Variants in TAF3 observed in about 807,000 individuals in gnomAD.
The protein encoded by TAF3 is TATA-box binding protein associated factor 3.
In TAF3, 7 loss-of-function variants were observed where a neutral mutation model predicts 80.6. The observed-to-expected ratio is 0.09, with a 90% CI of 0.05 to 0.16. The LOEUF (loss-of-function observed/expected upper bound fraction) is 0.16, where lower values mean the gene tolerates loss of function less well. Among genes scored for constraint, TAF3 ranks in the 10% least tolerant of loss-of-function variants. TAF3 has a pLI of 1.00. For missense variants in TAF3, 921 were observed against 1,140.2 expected (o/e 0.81, Z 2.77); for synonymous variants, 444 against 446.1 (o/e 1.00, Z 0.06).
chr10:7,824,336 T>A lies in TAF3; in HGVS notation c.185T>A (p.Ile62Asn). ...YSELYGRTDP[I>N]LDDVGEAFQL... ...GTTTCAGATGGCCGAACAGACCCAA[T>A]TTTGGATGATGTTGGTGAAGCTTTC... The change falls in exon 2 of 7, where the codon ATT becomes AAT. Residue 62 changes from isoleucine (I) to asparagine (N), a missense_variant. Ile to Asn is a moderately radical substitution (Grantham distance 149, BLOSUM62 -3). Around this residue, in one of 6 missense-constraint regions of TAF3, gnomAD observed 106 missense variants for 191.8 expected, o/e 0.55. Coordinates refer to ENST00000344293, the MANE Select transcript of TAF3 (RefSeq NM_031923.4). The A allele has an allele frequency of 6.2e-7, 1 of 1,613,740 alleles. No individual in the cohort carries two copies. The highest frequency in any genetic ancestry group is 8.5e-7 in the Non-Finnish European group (1 of 1,179,666).
chr10:7,942,416 AT>A (rs1837984477), intron 2 of TAF3, among the ~76,000 whole-genome samples: 1 of 152,064 alleles, frequency 6.6e-6, no homozygotes, highest in Non-Finnish European at 1.5e-5. Flanking sequence ...ATTATAATAC[AT>A]TTTTTTCAGC....
At chr10:7,830,092 C>T (rs1241984018) in intron 2 of TAF3, among the ~76,000 whole-genome samples, 1 of 152,146 alleles carries the variant, frequency 6.6e-6, no homozygotes, top group Non-Finnish European at 1.5e-5. Context: ...TCTGCATCTT[C>T]CCGTGTGACC....
At chr10:7,925,334 A>T (rs1837804549) in intron 2 of TAF3, among the ~76,000 whole-genome samples, 1 of 152,192 alleles carries the variant, frequency 6.6e-6, no homozygotes, top group South Asian at 2.1e-4. Context: ...GCCTTGACTT[A>T]CCACCTTGGC....
intron 2 of TAF3, among the ~76,000 whole-genome samples, chr10:7,883,648 C>G (rs925110774): frequency 2.2e-4 from 33 of 152,292 alleles, no homozygotes; most frequent in Non-Finnish European, 2.9e-5. Flanking sequence ...TGGTAAATTT[C>G]TAATTCCATT....
intron 2 of TAF3, among the ~76,000 whole-genome samples, chr10:7,923,379 T>C (rs542690637): frequency 1.6e-4 from 24 of 152,212 alleles, no homozygotes; most frequent in African/African-American, 5.8e-4. Context: ...AGGTTTTGTG[T>C]GTGTTATGAA....
chr10:7,845,945 G>C, intron 2 of TAF3, among the ~76,000 whole-genome samples: 1 of 146,090 alleles, frequency 6.8e-6, no homozygotes, highest in Non-Finnish European at 1.5e-5. Context: ...GGATGAAGTG[G>C]TTTGTGTGTT....
intron 3 of TAF3, chr10:7,975,155 A>G: frequency 8.2e-6 from 2 of 244,104 alleles, no homozygotes; most frequent in Non-Finnish European, 8.3e-6. Flanking sequence ...AGCAGATGAT[A>G]GAGAAAGCTT....
chr10:7,988,703 A>T (rs1831803342), intron 4 of TAF3, among the ~76,000 whole-genome samples: 1 of 143,172 alleles, frequency 7.0e-6, no homozygotes, highest in Non-Finnish European at 1.5e-5. Flanking sequence ...GTGAGCTGTG[A>T]TCACCACTGC....
chr10:7,927,078 G>C (rs1837822972), intron 2 of TAF3, among the ~76,000 whole-genome samples: 1 of 152,164 alleles, frequency 6.6e-6, no homozygotes, highest in South Asian at 2.1e-4. Context: ...CTTATCAAAT[G>C]ATAAAGAAAC....
At chr10:7,932,100 G>A (rs956511266) in intron 2 of TAF3, among the ~76,000 whole-genome samples, 43 of 152,276 alleles carry the variant, frequency 2.8e-4, no homozygotes, top group African/African-American at 8.7e-4. Context: ...GAAAAACTGA[G>A]TCTTAGAAAT....
In TAF3 at chr10:7,824,469, A is replaced by G. The variant is rs921822276; in HGVS notation, c.318A>G (p.Val106=). 15 of 1,614,172 alleles carry G rather than the reference A, an allele frequency of 9.3e-6. No homozygotes were observed. The highest frequency in any genetic ancestry group is 4.4e-5 in the South Asian group (4 of 91,082). The part of the protein sequence containing the change: ...IPSFPVSKNN[V]LQFPQPGSKD... ...CATTTCCTGTTAGCAAGAACAATGT[A>G]CTTCAGTTTCCTCAACCTGGAAGTA... is the stretch of plus-strand genomic sequence containing the variant. The change falls in exon 2 of 7, where the codon GTA becomes GTG. Residue 106 remains valine (V), a synonymous_variant. Transcript: ENST00000344293.
intron 2 of TAF3, among the ~76,000 whole-genome samples, chr10:7,842,090 T>G (rs1439005942): frequency 6.6e-6 from 1 of 151,298 alleles, no homozygotes; most frequent in Admixed American, 6.6e-5. Context: ...TTGAGTTGCG[T>G]GAGTACCCTA....
At chr10:7,893,839 C>T (rs1293624479) in intron 2 of TAF3, among the ~76,000 whole-genome samples, 1 of 152,154 alleles carries the variant, frequency 6.6e-6, no homozygotes, top group Non-Finnish European at 1.5e-5. Context: ...AATTGATCCT[C>T]TTAATTACCA....
intron 2 of TAF3, among the ~76,000 whole-genome samples, chr10:7,915,418 G>A (rs2131183389): frequency 6.7e-6 from 1 of 149,498 alleles, no homozygotes; most frequent in Non-Finnish European, 1.5e-5. Context: ...GCCGAGACGG[G>A]TGGATCACGA....
intron 2 of TAF3, among the ~76,000 whole-genome samples, chr10:7,947,468 G>A (rs918182791): frequency 1.3e-5 from 2 of 152,212 alleles, no homozygotes; most frequent in Admixed American, 6.5e-5. Context: ...TTAGGTAAGG[G>A]AGTGCAGTGG....
chr10:7,897,512 A>G (rs372978264), intron 2 of TAF3, among the ~76,000 whole-genome samples: 2 of 151,920 alleles, frequency 1.3e-5, no homozygotes, highest in African/African-American at 2.4e-5. Flanking sequence ...ATTTGCCTTC[A>G]TGCGTGTTTT....
rs377131024 is a variant in TAF3 at position 7,924,550 on chromosome 10, T to G, written c.410-39370T>G. Among the ~76,000 whole-genome samples, 7 of 152,216 alleles carry G rather than the reference T, an allele frequency of 4.6e-5. No individual in the cohort carries two copies. The East Asian group carries it at 7.7e-4, about 17-fold the overall frequency. ...CATCTTTATGTGGGCATGTCTCCCATTTTCTCTTTAACCTTTCCTAACACG... is the reference window on the plus strand; with the variant it reads ...CATCTTTATGTGGGCATGTCTCCCAGTTTCTCTTTAACCTTTCCTAACACG... On this transcript the variant is annotated intron_variant, in intron 2 of 6. Coordinates refer to ENST00000344293, the MANE Select transcript of TAF3 (RefSeq NM_031923.4).
chr10:7,933,954 C>T lies in TAF3; in HGVS notation c.410-29966C>T, dbSNP rs377680026. ...TGCCTGGCAGCTGTCATGACATGGT[C>T]GTCACCGCCTGCACACATGCACCGA... On this transcript the variant is annotated intron_variant, in intron 2 of 6. Transcript: ENST00000344293. 3.0e-3 allele frequency among the ~76,000 whole-genome samples: 461 copies of T among 152,272 alleles called. 2 individuals are homozygous for T. Among genetic ancestry groups the T allele is most frequent in the African/African-American group, 0.01 (417 of 41,544 alleles).
intron 2 of TAF3, among the ~76,000 whole-genome samples, chr10:7,961,102 A>G (rs527354318): frequency 4.6e-5 from 7 of 152,336 alleles, no homozygotes; most frequent in African/African-American, 1.7e-4. Flanking sequence ...ACTAGGTAGA[A>G]GGTCCTTGCA....
Sources: allele counts gnomAD v4.1 joint callset (sites outside exome capture counted in the v4.1 genomes callset), GRCh38; gene constraint gnomAD v4.1.1; regional missense constraint gnomAD v4.1.1; transcripts MANE v1.5; gene names NCBI Gene and HGNC (gene_info 2026-07-23, HGNC 2026-07-21).